LASP1: variants seen among roughly 807,000 people sequenced by gnomAD.
LASP1 encodes the protein LIM and SH3 protein 1, also known as LIM and SH3 domain protein 1.
A neutral mutation model predicts 38.6 loss-of-function variants in LASP1; 10 were observed. The observed-to-expected ratio is 0.26, with a 90% CI of 0.16 to 0.44. The LOEUF is 0.44. LASP1 is among the 20% of genes least tolerant of loss of function. The probability of loss-of-function intolerance (pLI) is 1.00; values close to 1 mark genes in which losing one functional copy is unlikely to be tolerated. For missense variants in LASP1, 243 were observed against 375.7 expected, an observed-to-expected ratio of 0.65 and a Z score of 2.92; for synonymous variants, 132 against 140.8, an observed-to-expected ratio of 0.94 and a Z score of 0.44.
intron 2 of LASP1, among the ~76,000 whole-genome samples, chr17:38,883,919 G>A (rs1177269885): frequency 1.3e-5 from 2 of 151,656 alleles, no homozygotes; most frequent in Non-Finnish European, 2.9e-5. Context: ...GGACGGGTGA[G>A]AAACTGGGTT....
At chr17:38,881,782 C>CT (rs2143744238) in intron 2 of LASP1, among the ~76,000 whole-genome samples, 1 of 152,314 alleles carries the variant, frequency 6.6e-6, no homozygotes, top group East Asian at 1.9e-4. Context: ...AGGGAGGCCT[C>CT]TATGTTCTGC....
intron 4 of LASP1, among the ~76,000 whole-genome samples, chr17:38,899,515 C>G (rs555852605): frequency 8.1e-4 from 123 of 152,230 alleles, no homozygotes; most frequent in Non-Finnish European, 1.7e-3. Flanking sequence ...TTGGCTGGGC[C>G]GTGCATAGAG....
chr17:38,871,417 A>G (rs1327692605), intron 1 of LASP1, among the ~76,000 whole-genome samples: 3 of 151,590 alleles, frequency 2.0e-5, no homozygotes, highest in Non-Finnish European at 4.4e-5. Context: ...TCTTTCATCC[A>G]CCACCCAAAG....
intron 4 of LASP1, among the ~76,000 whole-genome samples, chr17:38,903,037 CA>C (rs1358444028): frequency 3.3e-5 from 5 of 152,174 alleles, no homozygotes; most frequent in Non-Finnish European, 1.5e-5. Flanking sequence ...GGCCATCTTA[CA>C]AAAGAATGAG....
At chr17:38,894,397 C>T (rs1598112276) in intron 3 of LASP1, among the ~76,000 whole-genome samples, 1 of 152,160 alleles carries the variant, frequency 6.6e-6, no homozygotes, top group African/African-American at 2.4e-5. Context: ...CACTCTTACC[C>T]GAACTAGCTG....
chr17:38,889,121 T>G (rs181291131), intron 2 of LASP1, among the ~76,000 whole-genome samples: 16 of 152,278 alleles, frequency 1.1e-4, no homozygotes, highest in East Asian at 5.8e-4. Context: ...TGTTTGTTTT[T>G]TTTTGTTTTG....
chr17:38,882,311 G>C (rs1237604942), intron 2 of LASP1, among the ~76,000 whole-genome samples: 3 of 152,160 alleles, frequency 2.0e-5, no homozygotes, highest in African/African-American at 7.2e-5. Context: ...GCAGTGGTGC[G>C]ATCTCCGCTC....
Position 38,908,224 on chromosome 17 carries a change from C to T in LASP1, c.358-6101C>T, listed in dbSNP as rs148012980. 1.4e-3 allele frequency among the ~76,000 whole-genome samples: 207 copies of T among 152,364 alleles called. 1 individual carries two copies. Among genetic ancestry groups the T allele is most frequent in the South Asian group, 0.011 (55 of 4,834 alleles). On this transcript the variant is annotated intron_variant, in intron 4 of 6. Transcript: ENST00000318008. The stretch of plus-strand genomic sequence containing the variant: ...GCCCAGGGCAGGCCCCTGTCCATTC[C>T]GTGTCTGCACTTCCCTCCCTGGTCA...
At chr17:38,892,996 T>C (rs933614101) in intron 3 of LASP1, among the ~76,000 whole-genome samples, 7 of 133,256 alleles carry the variant, frequency 5.3e-5, no homozygotes, top group Non-Finnish European at 1.1e-4. Flanking sequence ...TGCACGCGTG[T>C]ATGTGTGTGT....
At chr17:38,892,612 A>G (rs1787427597) in intron 3 of LASP1, among the ~76,000 whole-genome samples, 1 of 151,976 alleles carries the variant, frequency 6.6e-6, no homozygotes, top group African/African-American at 2.4e-5. Flanking sequence ...GGAGAAATTC[A>G]AACCCCTCAG....
At chr17:38,887,865 G>A (rs1046931959) in intron 2 of LASP1, among the ~76,000 whole-genome samples, 4 of 152,292 alleles carry the variant, frequency 2.6e-5, no homozygotes, top group South Asian at 2.1e-4. Flanking sequence ...TCTGATGCAC[G>A]GCCATGTGGG....
chr17:38,895,122 T>C (rs188914810), intron 3 of LASP1, among the ~76,000 whole-genome samples: 2 of 152,198 alleles, frequency 1.3e-5, no homozygotes, highest in Admixed American at 1.3e-4. Context: ...AGGCACATAA[T>C]AGTGGAAATT....
At chr17:38,907,097 G>C (rs1914795537) in intron 4 of LASP1, among the ~76,000 whole-genome samples, 1 of 152,196 alleles carries the variant, frequency 6.6e-6, no homozygotes, top group Non-Finnish European at 1.5e-5. Context: ...GTGCCTATTT[G>C]CTTAACAAAC....
chr17:38,882,836 C>T (rs1913994480), intron 2 of LASP1, among the ~76,000 whole-genome samples: 1 of 152,042 alleles, frequency 6.6e-6, no homozygotes, highest in African/African-American at 2.4e-5. Context: ...TGGGCATGGG[C>T]TGGGGAAGGA....
In LASP1 at chr17:38,918,015, T is replaced by A. The variant is rs676107; in HGVS notation, c.613-590T>A. Among the ~76,000 whole-genome samples, 1 of 151,702 alleles carries A rather than the reference T, an allele frequency of 6.6e-6. No individual in the cohort carries two copies. The highest frequency in any genetic ancestry group is 1.9e-4 in the East Asian group (1 of 5,136). ...ATTAGCCGGGCATGGTGGTACACGC[T>A]TATAGTCCCAGCTACTTGGGAGGCT... On this transcript the variant is annotated intron_variant, in intron 6 of 6. Coordinates refer to ENST00000318008, the MANE Select transcript of LASP1 (RefSeq NM_006148.4). This position sits in a 1 kb window ranked among gnomAD's most constrained non-coding sequence, Gnocchi z 4.4.
intron 2 of LASP1, among the ~76,000 whole-genome samples, chr17:38,885,193 T>C (rs1287428042): frequency 5.3e-5 from 8 of 152,210 alleles, no homozygotes; most frequent in Admixed American, 5.2e-4. Flanking sequence ...CTTCGCTGTC[T>C]GGGCAGCTGT....
intron 4 of LASP1, 26 bp downstream of exon 4, chr17:38,898,545 A>G (rs1914553054): frequency 6.7e-7 from 1 of 1,494,284 alleles, no homozygotes; most frequent in Admixed American, 2.0e-5. Context: ...GCCCTGCGGC[A>G]TCCCTGCTGC....
chr17:38,893,140 C>T (rs1202513331), intron 3 of LASP1, among the ~76,000 whole-genome samples: 1 of 152,246 alleles, frequency 6.6e-6, no homozygotes, highest in Non-Finnish European at 1.5e-5. Context: ...AGAGGCTGCC[C>T]TGCTTGTGCA....
At chr17:38,871,794 G>A (rs2143717350) in intron 1 of LASP1, among the ~76,000 whole-genome samples, 1 of 152,198 alleles carries the variant, frequency 6.6e-6, no homozygotes. Context: ...CAGGAGGAGA[G>A]GAGGGGGTAT....
Sources: gnomAD v4.1 joint callset for allele counts (sites outside exome capture counted in the v4.1 genomes callset) on GRCh38, gnomAD v4.1.1 for gene constraint, Gnocchi (gnomAD v3.1) non-coding constraint, MANE v1.5 for transcripts, NCBI Gene and HGNC (gene_info 2026-07-23, HGNC 2026-07-21) for gene names.